The following XK variants were observed in gnomAD, a reference collection of about 807,000 sequenced individuals.
XK encodes the protein endoplasmic reticulum membrane adapter protein XK.
A neutral mutation model predicts 14.0 loss-of-function variants in XK; 2 were observed. The ratio of observed to expected loss-of-function variants is 0.14; its 90% CI spans 0.06 to 0.45. The LOEUF is 0.45. Among genes scored for constraint, XK ranks in the 20% least tolerant of loss-of-function variants. XK has a pLI of 0.98. For synonymous variants in XK, 149 were observed against 147.5 expected, an observed-to-expected ratio of 1.01 and a Z score of -0.08; for missense variants, 235 against 341.5, an observed-to-expected ratio of 0.69 and a Z score of 2.46.
chrX:37,718,402 A>G (rs187385296), intron 2 of XK, among the ~76,000 whole-genome samples: 49 of 112,306 alleles, frequency 4.4e-4, no homozygotes, highest in Non-Finnish European at 8.3e-4. Flanking sequence ...TGCAGTTTGT[A>G]ACAGAAGTTT....
At chrX:37,698,152 C>T (rs1402216758) in intron 2 of XK, among the ~76,000 whole-genome samples, 4 of 111,996 alleles carry the variant, frequency 3.6e-5, no homozygotes, top group Non-Finnish European at 5.6e-5. Context: ...TTGCCTGGCC[C>T]TCACAGTGCC....
At chrX:37,708,442 GA>G (rs1927595595) in intron 2 of XK, among the ~76,000 whole-genome samples, 1 of 111,772 alleles carries the variant, frequency 8.9e-6, no homozygotes, top group East Asian at 2.8e-4. Context: ...TGCCCCTGTT[GA>G]CACCTTGACT....
At chrX:37,705,319 G>A (rs1308706737) in intron 2 of XK, among the ~76,000 whole-genome samples, 3 of 110,212 alleles carry the variant, frequency 2.7e-5, no homozygotes, top group Middle Eastern at 4.7e-3. Context: ...GGGCGTGGTG[G>A]CGGGCGCCTG....
At chrX:37,698,120 C>CCCCTG (rs1282650511) in intron 2 of XK, among the ~76,000 whole-genome samples, 1 of 111,830 alleles carries the variant, frequency 8.9e-6, no homozygotes, top group African/African-American at 3.3e-5. Context: ...TTTGTGAAGG[C>CCCCTG]CCCTGCAGCC....
chrX:37,726,646 G>A (rs1297924393), intron 2 of XK, among the ~76,000 whole-genome samples: 2 of 112,142 alleles, frequency 1.8e-5, no homozygotes, highest in Non-Finnish European at 1.9e-5. Flanking sequence ...GTAATACCAC[G>A]TTCCATTTAA....
At chrX:37,720,419 G>C in intron 2 of XK, among the ~76,000 whole-genome samples, 1 of 110,556 alleles carries the variant, frequency 9.0e-6, no homozygotes, top group African/African-American at 3.3e-5. Flanking sequence ...GCCTTTTTTA[G>C]GGAATTCAAA....
intron 2 of XK, among the ~76,000 whole-genome samples, chrX:37,700,197 C>T (rs993397895): frequency 1.8e-5 from 2 of 111,297 alleles, no homozygotes; most frequent in African/African-American, 6.5e-5. Flanking sequence ...TTGCAGGGTG[C>T]GCATCACACC....
chrX:37,689,011 T>G (rs903332858), intron 1 of XK, among the ~76,000 whole-genome samples: 16 of 112,319 alleles, frequency 1.4e-4, no homozygotes, highest in Non-Finnish European at 2.8e-4. Context: ...TTTGAAGAGA[T>G]AACTTCTCAG....
intron 2 of XK, among the ~76,000 whole-genome samples, chrX:37,717,055 T>C (rs1556447976): frequency 8.9e-6 from 1 of 111,748 alleles, no homozygotes; most frequent in Non-Finnish European, 1.9e-5. Flanking sequence ...AATATTCACA[T>C]AATAGAAGAC....
intron 2 of XK, among the ~76,000 whole-genome samples, chrX:37,707,770 C>T (rs1927572497): frequency 8.9e-6 from 1 of 111,872 alleles, no homozygotes; most frequent in Non-Finnish European, 1.9e-5. Flanking sequence ...GATGGGCGGC[C>T]AGGCAGAGAC....
chrX:37,729,918 T>G lies in XK; in HGVS notation c.*1456T>G, dbSNP rs1471566167. The G allele has an allele frequency of 8.9e-6, 1 of 111,854 alleles. No homozygotes were observed. Among genetic ancestry groups the G allele is most frequent in the East Asian group, 2.8e-4 (1 of 3,577 alleles). 9.2% of individuals were successfully genotyped at this position (111,854 alleles called of 1,213,427 possible). On this transcript the variant is annotated 3_prime_UTR_variant, in exon 3 of 3. Coordinates refer to ENST00000378616, the MANE Select transcript of XK (RefSeq NM_021083.4). ...CTTGGTGTCAAATTTTTAAGTAATT[T>G]CATGCACACAGGAGAAAATGCAATT... is the stretch of plus-strand genomic sequence containing the variant.
At chrX:37,706,939 C>T (rs1324866650) in intron 2 of XK, among the ~76,000 whole-genome samples, 1 of 111,035 alleles carries the variant, frequency 9.0e-6, no homozygotes, top group African/African-American at 3.3e-5. Flanking sequence ...TCAGAGAGCA[C>T]AGGGTTGGGG....
chrX:37,695,537 G>A (rs966734027), intron 2 of XK, among the ~76,000 whole-genome samples: 1 of 111,303 alleles, frequency 9.0e-6, no homozygotes, highest in Non-Finnish European at 1.9e-5. Context: ...AATATTATGG[G>A]TAAACGAAAA....
At chrX:37,718,848 TTGTG>T (rs1556448354) in intron 2 of XK, among the ~76,000 whole-genome samples, 1 of 111,303 alleles carries the variant, frequency 9.0e-6, no homozygotes, top group African/African-American at 3.3e-5. Flanking sequence ...AGGGGTATGT[TTGTG>T]TGTGTGTATG....
At chrX:37,696,022 A>G (rs1270803311) in intron 2 of XK, among the ~76,000 whole-genome samples, 2 of 112,231 alleles carry the variant, frequency 1.8e-5, no homozygotes, top group African/African-American at 6.5e-5. Flanking sequence ...AGATGTGATG[A>G]TAGCCTATTT....
At chrX:37,723,501 C>T (rs1174071595) in intron 2 of XK, among the ~76,000 whole-genome samples, 1 of 111,227 alleles carries the variant, frequency 9.0e-6, no homozygotes, top group Non-Finnish European at 1.9e-5. Flanking sequence ...ATTTTTTATG[C>T]ATTCTCAGAA....
intron 2 of XK, among the ~76,000 whole-genome samples, chrX:37,703,631 G>A (rs1446545767): frequency 4.5e-5 from 5 of 112,305 alleles, no homozygotes; most frequent in Non-Finnish European, 9.4e-5. Flanking sequence ...AGGCCACTGA[G>A]GCCCAGTGAT....
chrX:37,715,234 A>C (rs1927745747), intron 2 of XK, among the ~76,000 whole-genome samples: 1 of 110,716 alleles, frequency 9.0e-6, no homozygotes, highest in African/African-American at 3.3e-5. Flanking sequence ...TCTAAGCAAT[A>C]AAATTTATAG....
rs998074865 is a variant in XK, at chrX:37,728,989, A to C, written c.*527A>C. ...TGGTTTTTGAATAGACAGAGGTTTC[A>C]TTTTCATCTCATTAGGGCTTTTTTG... On this transcript the variant is annotated 3_prime_UTR_variant, in exon 3 of 3. Transcript: ENST00000378616. 8.6e-6 allele frequency: 1 copy of C among 116,601 alleles called. No homozygotes were observed. The highest frequency in any genetic ancestry group is 3.3e-5 in the African/African-American group (1 of 30,573). 9.6% of individuals were successfully genotyped at this position (116,601 alleles called of 1,213,427 possible). A position where few individuals can be genotyped will look rare whatever the true frequency, so the allele number is the denominator to read the frequency against.
Sources: gnomAD v4.1 joint callset for allele counts (sites outside exome capture counted in the v4.1 genomes callset) on GRCh38, gnomAD v4.1.1 for gene constraint, MANE v1.5 for transcripts, NCBI Gene and HGNC (gene_info 2026-07-23, HGNC 2026-07-21) for gene names.